YME1L1: variants seen among roughly 807,000 people sequenced by gnomAD.
The protein encoded by YME1L1 is YME1 like 1 ATPase.
In YME1L1, 39 loss-of-function variants were observed where a neutral mutation model predicts 90.4. That is an observed-to-expected ratio of 0.43 (90% CI 0.33 to 0.56). The LOEUF is 0.56. Among genes scored for constraint, YME1L1 ranks in the 20% least tolerant of loss-of-function variants. YME1L1 has a pLI of 0.03. For synonymous variants in YME1L1, 284 were observed against 287.3 expected (o/e 0.99, Z 0.12); for missense variants, 617 against 868.4 (o/e 0.71, Z 3.64).
At chr10:27,123,410 A>T in intron 10 of YME1L1, 137 bp downstream of exon 10, 1 of 961,196 alleles carries the variant, frequency 1.0e-6, no homozygotes, top group Non-Finnish European at 1.5e-6. Flanking sequence ...ATCAAAACTA[A>T]TTAGCATGCA....
At chr10:27,124,847 A>G (rs1340561431) in intron 9 of YME1L1, among the ~76,000 whole-genome samples, 1 of 152,124 alleles carries the variant, frequency 6.6e-6, no homozygotes, top group Non-Finnish European at 1.5e-5. Context: ...TCATGATTGT[A>G]TTGAGATTGT....
intron 11 of YME1L1, among the ~76,000 whole-genome samples, chr10:27,122,279 T>TA (rs1300726887): frequency 5.9e-5 from 9 of 152,236 alleles, no homozygotes; most frequent in Non-Finnish European, 2.9e-5. Context: ...GATAACCTGA[T>TA]ATAAAAAGCT....
chr10:27,114,924 G>A (rs963798775), intron 17 of YME1L1, among the ~76,000 whole-genome samples: 4 of 152,200 alleles, frequency 2.6e-5, no homozygotes, highest in African/African-American at 9.6e-5. Context: ...CTACTCAGGA[G>A]GCTGAGGCAG....
chr10:27,138,537 C>G (rs10764673), intron 4 of YME1L1, among the ~76,000 whole-genome samples: 36,635 of 151,874 alleles, frequency 0.24, 4,975 homozygotes, highest in East Asian at 0.56. Flanking sequence ...GTGTATATAT[C>G]TATGTTGTAT....
chr10:27,151,223 C>A (rs1047676611), intron 1 of YME1L1, among the ~76,000 whole-genome samples: 1 of 152,150 alleles, frequency 6.6e-6, no homozygotes, highest in Admixed American at 6.6e-5. Flanking sequence ...CGCCTGGCGA[C>A]TCTCTCGAAT....
chr10:27,135,934 T>A (rs190862494), intron 5 of YME1L1, among the ~76,000 whole-genome samples: 1 of 152,088 alleles, frequency 6.6e-6, no homozygotes, highest in Admixed American at 6.5e-5. Flanking sequence ...ATTTAGGAGG[T>A]TGGATCAACA....
Position 27,154,340 on chromosome 10 carries a change from A to C in YME1L1, c.-130T>G. On this transcript the variant is annotated 5_prime_UTR_variant, in exon 1 of 19. Transcript: ENST00000376016. ...CCCGTTGCCCCTCACTCCTCCCAGAAACGGAAAATGGCCTCCCCTTCCTAC... is the reference window on the plus strand; with the variant it reads ...CCCGTTGCCCCTCACTCCTCCCAGACACGGAAAATGGCCTCCCCTTCCTAC... The C allele has an allele frequency of 8.8e-7, 1 of 1,133,056 alleles. No homozygotes were observed. Among genetic ancestry groups the C allele is most frequent in the Non-Finnish European group, 1.2e-6 (1 of 801,058 alleles). The allele number at this position is 1,133,056 out of a possible 1,614,324, so 70.2% of individuals were successfully genotyped here.
chr10:27,117,844 C>A, intron 14 of YME1L1, 117 bp from the exon 15 acceptor site: 7 of 1,033,362 alleles, frequency 6.8e-6, no homozygotes, highest in Middle Eastern at 2.3e-4. Flanking sequence ...GATTCTGCAT[C>A]CATAGATTCA....
intron 5 of YME1L1, among the ~76,000 whole-genome samples, chr10:27,136,062 G>A (rs1192685065): frequency 2.0e-5 from 3 of 152,170 alleles, no homozygotes; most frequent in African/African-American, 7.2e-5. Context: ...CTCGACAGGT[G>A]TAGGTTTGTG....
chr10:27,112,871 CTA>C (rs1564453686), intron 18 of YME1L1, among the ~76,000 whole-genome samples: 1 of 151,922 alleles, frequency 6.6e-6, no homozygotes, highest in African/African-American at 2.4e-5. Context: ...GCTAATTTTT[CTA>C]TGTTTTGTAG....
In YME1L1 at chr10:27,142,418, T is replaced by C; in HGVS notation, c.399A>G (p.Gln133=). 1.3e-6 allele frequency: 2 copies of C among 1,526,940 alleles called. No individual in the cohort carries two copies. Among genetic ancestry groups the C allele is most frequent in the East Asian group, 2.5e-5 (1 of 40,384 alleles). The allele number at this position is 1,526,940 out of a possible 1,614,324, so 94.6% of individuals were successfully genotyped here. A position where few individuals can be genotyped will look rare whatever the true frequency, so the allele number is the denominator to read the frequency against. The change falls in exon 4 of 19, where the codon CAA becomes CAG. Residue 133 remains glutamine (Q), a synonymous_variant. Transcript: ENST00000376016. ...AGTACTGAAGATCTGAACAAATGCT[T>C]TGAAGAGCTCTTGAATGATGTCGAT... ...CLYRHHSRAL[Q]SICSDLQYWP... is the part of the protein sequence containing the mutation.
chr10:27,142,412 A>G lies in YME1L1; in HGVS notation c.405T>C (p.Ile135=), dbSNP rs1323576553. ...CTGGCCAGTACTGAAGATCTGAACA[A>G]ATGCTTTGAAGAGCTCTTGAATGAT... ...YRHHSRALQS[I]CSDLQYWPVF... is the part of the protein sequence containing the mutation. The change falls in exon 4 of 19, where the codon ATT becomes ATC. Residue 135 remains isoleucine (I), a synonymous_variant. Transcript: ENST00000376016. 6.6e-7 allele frequency: 1 copy of G among 1,521,012 alleles called. No homozygotes were observed. The highest frequency in any genetic ancestry group is 2.5e-5 in the East Asian group (1 of 40,234). 94.2% of individuals were successfully genotyped at this position (1,521,012 alleles called of 1,614,324 possible). A position where few individuals can be genotyped will look rare whatever the true frequency, so the allele number is the denominator to read the frequency against.
intron 4 of YME1L1, among the ~76,000 whole-genome samples, chr10:27,140,972 G>A (rs192919783): frequency 1.3e-4 from 20 of 152,238 alleles, no homozygotes; most frequent in African/African-American, 4.8e-4. Context: ...GTCTTCTTCT[G>A]TCTTCTGCAT....
intron 4 of YME1L1, among the ~76,000 whole-genome samples, chr10:27,139,873 C>T: frequency 6.6e-6 from 1 of 152,000 alleles, no homozygotes; most frequent in East Asian, 1.9e-4. Context: ...TAAATTGTTC[C>T]TTTTTTTATA....
chr10:27,140,945 C>T (rs2057081022), intron 4 of YME1L1, among the ~76,000 whole-genome samples: 1 of 152,142 alleles, frequency 6.6e-6, no homozygotes, highest in Non-Finnish European at 1.5e-5. Flanking sequence ...CCAACAATAG[C>T]TAAAAACGTA....
intron 9 of YME1L1, among the ~76,000 whole-genome samples, chr10:27,125,656 T>C (rs2056910980): frequency 6.6e-6 from 1 of 151,446 alleles, no homozygotes; most frequent in African/African-American, 2.4e-5. Context: ...TTTTTTTTTT[T>C]TGAGACAGAA....
rs773245726 is a variant in YME1L1, at chr10:27,148,985, G to C, written c.89C>G (p.Ser30Cys). ...INAFHTPKNT[S>C]VSLSGVSVSQ... ...AACTGACACTCCACTGAGAGAAACA[G>C]AAGTGTTTTTTGGTGTATGGAAGGC... Residue 30 changes from serine to cysteine, a missense_variant, in exon 2 of 19, where the codon TCT becomes TGT. This residue lies in a region of YME1L1 where 311 missense variants were observed against 335.8 expected (regional missense o/e 0.93). Coordinates refer to ENST00000376016, the MANE Select transcript of YME1L1 (RefSeq NM_014263.4). The C allele has an allele frequency of 3.8e-5, 61 of 1,613,884 alleles. No homozygotes were observed. The Middle Eastern group carries it at 8.2e-4, about 22-fold the overall frequency.
intron 8 of YME1L1, among the ~76,000 whole-genome samples, chr10:27,131,386 C>G (rs2056976543): frequency 1.3e-5 from 2 of 152,288 alleles, no homozygotes; most frequent in South Asian, 4.1e-4. Context: ...ACAAATTAAT[C>G]AACTATAAAC....
intron 8 of YME1L1, among the ~76,000 whole-genome samples, chr10:27,127,772 G>A (rs111907080): frequency 6.6e-6 from 1 of 152,128 alleles, no homozygotes; most frequent in Admixed American, 6.6e-5. Flanking sequence ...TATTTCTTGA[G>A]CTGGGTACTT....
Sources: gnomAD v4.1 joint callset for allele counts (sites outside exome capture counted in the v4.1 genomes callset) on GRCh38, gnomAD v4.1.1 for gene constraint, gnomAD v4.1.1 regional missense constraint, MANE v1.5 for transcripts, NCBI Gene and HGNC (gene_info 2026-07-23, HGNC 2026-07-21) for gene names.